The following SUPT3H variants were observed in gnomAD, a reference collection of about 807,000 sequenced individuals.
SUPT3H encodes transcription initiation protein SPT3 homolog.
Under a neutral mutation model 44.3 loss-of-function variants are expected in SUPT3H, and 44 were observed. That is an observed-to-expected ratio of 0.99 (90% CI 0.78 to 1.28). The LOEUF (loss-of-function observed/expected upper bound fraction) is 1.28. SUPT3H is among the 50% of genes most tolerant of loss of function. SUPT3H has a pLI of 0.00. For synonymous variants in SUPT3H, 124 were observed against 125.6 expected (o/e 0.99, Z 0.09); for missense variants, 380 against 387.1 (o/e 0.98, Z 0.15).
At chr6:44,812,680 A>G (rs926072997) in intron 11 of SUPT3H, among the ~76,000 whole-genome samples, 5 of 152,204 alleles carry the variant, frequency 3.3e-5, no homozygotes, top group African/African-American at 1.2e-4. Context: ...ACTTGAGAGA[A>G]TAAGATAATG....
intron 2 of SUPT3H, among the ~76,000 whole-genome samples, chr6:45,341,625 A>G (rs533743710): frequency 9.8e-5 from 15 of 152,362 alleles, no homozygotes; most frequent in African/African-American, 3.6e-4. Context: ...GTACAATGGC[A>G]TAAGACTCGA....
At chr6:45,253,394 T>A (rs1772722848) in intron 2 of SUPT3H, among the ~76,000 whole-genome samples, 1 of 152,174 alleles carries the variant, frequency 6.6e-6, no homozygotes. Context: ...CTACTGGGCA[T>A]TTTGAAGTGC....
chr6:45,140,186 C>T (rs577350864), intron 2 of SUPT3H, among the ~76,000 whole-genome samples: 2 of 152,076 alleles, frequency 1.3e-5, no homozygotes, highest in African/African-American at 4.8e-5. Context: ...CAAACCACCC[C>T]CTCCCCATCC....
chr6:44,884,425 C>T (rs1181835004), intron 10 of SUPT3H, among the ~76,000 whole-genome samples: 1 of 152,138 alleles, frequency 6.6e-6, no homozygotes, highest in East Asian at 1.9e-4. Flanking sequence ...ATCAGTTCAA[C>T]CATTGTGGAA....
At chr6:44,868,484 T>C (rs2153428772) in intron 10 of SUPT3H, among the ~76,000 whole-genome samples, 1 of 152,334 alleles carries the variant, frequency 6.6e-6, no homozygotes, top group African/African-American at 2.4e-5. Flanking sequence ...AATGCTTCTG[T>C]GACAAGGTAG....
intron 2 of SUPT3H, among the ~76,000 whole-genome samples, chr6:45,175,381 T>A (rs62436782): frequency 0.24 from 35,874 of 151,984 alleles, 4,789 homozygotes; most frequent in Non-Finnish European, 0.31. Context: ...AGCAAGGCAC[T>A]TTCTTCACAA....
At chr6:45,011,600 A>T (rs963583024) in intron 5 of SUPT3H, among the ~76,000 whole-genome samples, 2 of 152,094 alleles carry the variant, frequency 1.3e-5, no homozygotes, top group Non-Finnish European at 2.9e-5. Flanking sequence ...CAGACCCAAC[A>T]TAACAATTTT....
At chr6:45,319,230 TATGTGTCTTATG>T (rs1183905123) in intron 2 of SUPT3H, among the ~76,000 whole-genome samples, 2 of 152,140 alleles carry the variant, frequency 1.3e-5, no homozygotes, top group Non-Finnish European at 2.9e-5. Context: ...GTCTTATAAT[TATGTGTCTTATG>T]ATGTGTCTTA....
chr6:45,289,187 T>G (rs1027952764), intron 2 of SUPT3H, among the ~76,000 whole-genome samples: 1 of 152,188 alleles, frequency 6.6e-6, no homozygotes, highest in Non-Finnish European at 1.5e-5. Flanking sequence ...TTTTTTCAAA[T>G]TATCAACCCT....
intron 6 of SUPT3H, among the ~76,000 whole-genome samples, chr6:44,985,311 C>T (rs755205831): frequency 6.6e-6 from 1 of 151,998 alleles, no homozygotes; most frequent in Non-Finnish European, 1.5e-5. Context: ...GTAAGAGGAT[C>T]GCTTGAGCTC....
At chr6:44,940,823 T>C (rs968854537) in intron 9 of SUPT3H, among the ~76,000 whole-genome samples, 1 of 152,142 alleles carries the variant, frequency 6.6e-6, no homozygotes, top group Admixed American at 6.6e-5. Context: ...GTGACTTTCT[T>C]TGTCTTTTTT....
intron 3 of SUPT3H, among the ~76,000 whole-genome samples, chr6:45,055,526 C>T (rs542729816): frequency 6.6e-6 from 1 of 152,260 alleles, no homozygotes; most frequent in East Asian, 1.9e-4. Flanking sequence ...AAGCCAAATA[C>T]AGCCAACTGA....
At chr6:44,866,056 T>G (rs1775448938) in intron 10 of SUPT3H, among the ~76,000 whole-genome samples, 1 of 150,848 alleles carries the variant, frequency 6.6e-6, no homozygotes, top group Non-Finnish European at 1.5e-5. Flanking sequence ...GGAATTAAAT[T>G]ACAGAAATGT....
intron 9 of SUPT3H, among the ~76,000 whole-genome samples, chr6:44,940,891 C>T (rs966848815): frequency 3.3e-5 from 5 of 152,000 alleles, no homozygotes; most frequent in African/African-American, 1.2e-4. Flanking sequence ...TTCACTTTTG[C>T]TTTATATCTG....
intron 10 of SUPT3H, among the ~76,000 whole-genome samples, chr6:44,916,972 AAAACAAACAAAC>A (rs111992171): frequency 1.8e-3 from 271 of 150,956 alleles, no homozygotes; most frequent in African/African-American, 6.4e-3. Context: ...GTCTCTACAA[AAAACAAACAAAC>A]AAACAAACAA....
chr6:45,185,017 C>T, intron 2 of SUPT3H, among the ~76,000 whole-genome samples: 1 of 152,154 alleles, frequency 6.6e-6, no homozygotes. Flanking sequence ...CAACAGTAGT[C>T]AATCAGGAAG....
chr6:44,926,139 A>G (rs1370494981), intron 10 of SUPT3H, among the ~76,000 whole-genome samples: 1 of 152,144 alleles, frequency 6.6e-6, no homozygotes, highest in Non-Finnish European at 1.5e-5. Context: ...AACTGGATAG[A>G]TTACTCATTT....
At chr6:45,219,250 C>G (rs1025550344) in intron 2 of SUPT3H, among the ~76,000 whole-genome samples, 2 of 151,760 alleles carry the variant, frequency 1.3e-5, no homozygotes, top group African/African-American at 4.8e-5. Flanking sequence ...AAAGATAAGA[C>G]ACAGAATTTA....
At chr6:45,372,002 T>C (rs1208298739) in intron 1 of SUPT3H, 2 of 924,904 alleles carry the variant, frequency 2.2e-6, no homozygotes, top group East Asian at 2.3e-4. Flanking sequence ...CAGAGTTCTT[T>C]CTACTATACA....
Sources: allele counts gnomAD v4.1 joint callset (sites outside exome capture counted in the v4.1 genomes callset), GRCh38; gene constraint gnomAD v4.1.1; transcripts MANE v1.5; gene names NCBI Gene and HGNC (gene_info 2026-07-23, HGNC 2026-07-21).